ADGRL3: variants seen among roughly 807,000 people sequenced by gnomAD.
ADGRL3 encodes the protein adhesion G protein-coupled receptor L3.
Under a neutral mutation model 153.5 loss-of-function variants are expected in ADGRL3, and 62 were observed. The ratio of observed to expected loss-of-function variants is 0.40; its 90% CI spans 0.33 to 0.50. The LOEUF (loss-of-function observed/expected upper bound fraction) is 0.50. Among genes scored for constraint, ADGRL3 ranks in the 20% least tolerant of loss-of-function variants. ADGRL3 has a pLI of 0.47. For missense variants in ADGRL3, 1,641 were observed against 1,859.4 expected (o/e 0.88, Z 2.16); for synonymous variants, 710 against 672.5 (o/e 1.06, Z -0.86).
At chr4:61,415,874 G>T (rs2097139146) in intron 2 of ADGRL3, among the ~76,000 whole-genome samples, 1 of 151,988 alleles carries the variant, frequency 6.6e-6, no homozygotes. Flanking sequence ...AGGGAGCCTA[G>T]ATGATGGCAT....
At chr4:61,933,795 C>G (rs559840857) in intron 13 of ADGRL3, 2 of 152,182 alleles carry the variant, frequency 1.3e-5, no homozygotes, top group Non-Finnish European at 2.9e-5. Context: ...TCTAGTCTCT[C>G]CCAGCCCCTC....
intron 2 of ADGRL3, among the ~76,000 whole-genome samples, chr4:61,434,062 A>G (rs6551629): frequency 6.6e-6 from 1 of 151,876 alleles, no homozygotes; most frequent in Non-Finnish European, 1.5e-5. Context: ...TTTCTGATTC[A>G]GTCTCCTTCA....
chr4:61,597,915 G>T (rs1281845674), intron 5 of ADGRL3, among the ~76,000 whole-genome samples: 1 of 151,756 alleles, frequency 6.6e-6, no homozygotes, highest in Non-Finnish European at 1.5e-5. Flanking sequence ...AAATCTTCTG[G>T]ACAGTGGGAA....
Position 61,997,388 on chromosome 4 carries a change from A to C in ADGRL3, c.3304-786A>C, listed in dbSNP as rs551572828. Among the ~76,000 whole-genome samples the C allele has an allele frequency of 3.9e-5, 6 of 152,176 alleles. No homozygotes were observed. The East Asian group carries it at 1.2e-3, about 29-fold the overall frequency. On this transcript the variant is annotated intron_variant, in intron 20 of 26. Transcript: ENST00000683033. ...CCACTGAATGGATTTTTTTTTTAAC[A>C]ACCTTCATTTTGCAGATTTTTTGGA...
intron 9 of ADGRL3, among the ~76,000 whole-genome samples, chr4:61,864,508 GTTAAT>G (rs2098381732): frequency 6.6e-6 from 1 of 152,082 alleles, no homozygotes; most frequent in Admixed American, 6.5e-5. Flanking sequence ...GATACTTAAC[GTTAAT>G]TGAGCTCCAC....
rs558431068 is a variant in ADGRL3, at chr4:61,871,209, C to T, written c.1481-21447C>T. 3.4e-4 allele frequency among the ~76,000 whole-genome samples: 51 copies of T among 151,002 alleles called. No individual in the cohort carries two copies. The Middle Eastern group carries it at 0.01, about 30-fold the overall frequency. On this transcript the variant is annotated intron_variant, in intron 9 of 26. Transcript: ENST00000683033. ...AGGAGAATGGCGTGAACCCAGGAGG[C>T]GGAGCTTGCAGTGAGCAGAGATCGC...
chr4:61,972,992 T>C (rs1225318224), intron 17 of ADGRL3, among the ~76,000 whole-genome samples: 2 of 152,024 alleles, frequency 1.3e-5, no homozygotes, highest in South Asian at 4.2e-4. Flanking sequence ...TCTCTAAAAT[T>C]ATTTTTTTCA....
At chr4:61,420,155 T>A (rs1341698289) in intron 2 of ADGRL3, 2 of 152,144 alleles carry the variant, frequency 1.3e-5, no homozygotes, top group Non-Finnish European at 2.9e-5. Flanking sequence ...TGATTGGGCA[T>A]GACAACATAA....
At chr4:61,717,189 A>C (rs1580428757) in intron 6 of ADGRL3, among the ~76,000 whole-genome samples, 1 of 133,610 alleles carries the variant, frequency 7.5e-6, no homozygotes, top group Admixed American at 8.3e-5. Flanking sequence ...TGTAGGCCAC[A>C]TAGTTTATGT....
At chr4:61,991,413 T>C (rs1346320724) in intron 19 of ADGRL3, among the ~76,000 whole-genome samples, 1 of 152,068 alleles carries the variant, frequency 6.6e-6, no homozygotes, top group Non-Finnish European at 1.5e-5. Context: ...TAAATTATAA[T>C]AGCCATAATT....
intron 11 of ADGRL3, among the ~76,000 whole-genome samples, chr4:61,900,391 A>G (rs971361448): frequency 6.6e-6 from 1 of 152,210 alleles, no homozygotes; most frequent in Non-Finnish European, 1.5e-5. Flanking sequence ...TGAGTCACTC[A>G]TGTACTGGTA....
chr4:62,047,514 A>G lies in ADGRL3; in HGVS notation c.3814+2965A>G, dbSNP rs1341755040. Among the ~76,000 whole-genome samples the G allele has an allele frequency of 2.6e-5, 4 of 152,054 alleles. No homozygotes were observed. The East Asian group carries it at 5.8e-4, about 22-fold the overall frequency. ...TGTTCTTGAATCAGCTTGTTGTATC[A>G]TAAGTATGAGATTACCTTTCTAGAT... On this transcript the variant is annotated intron_variant, in intron 25 of 26. Coordinates refer to ENST00000683033, the MANE Select transcript of ADGRL3 (RefSeq NM_001387552.1).
At chr4:61,781,266 C>T (rs1195269934) in intron 8 of ADGRL3, among the ~76,000 whole-genome samples, 1 of 144,986 alleles carries the variant, frequency 6.9e-6, no homozygotes, top group African/African-American at 2.6e-5. Flanking sequence ...GCAGAGGTTG[C>T]AGTGAGCCGA....
At position 61,676,907 on chromosome 4, in the gene ADGRL3, T is replaced by C. The variant is rs764851224; in HGVS notation, c.555T>C (p.Leu185=). 2.5e-6 allele frequency: 4 copies of C among 1,611,282 alleles called. No individual in the cohort carries two copies. In the East Asian group the frequency reaches 8.9e-5, roughly 36 times the overall value. ...CGTGTCCAGGAACCTATAAATACCT[T>C]GAAGTGCAGTATGAATGTGTCCCTT... ...PDPCPGTYKY[L]EVQYECVPYK... The change falls in exon 6 of 27, where the codon CTT becomes CTC. Residue 185 remains leucine (L), a synonymous_variant. Transcript: ENST00000683033.
chr4:61,724,368 C>T (rs2096290283), intron 6 of ADGRL3, among the ~76,000 whole-genome samples: 1 of 152,168 alleles, frequency 6.6e-6, no homozygotes, highest in Admixed American at 6.5e-5. Context: ...AAAGGTTTTG[C>T]AGATCCATCA....
At chr4:61,583,466 T>C (rs966524560) in intron 4 of ADGRL3, among the ~76,000 whole-genome samples, 4 of 152,098 alleles carry the variant, frequency 2.6e-5, no homozygotes, top group Non-Finnish European at 5.9e-5. Flanking sequence ...AGAAAAGAAG[T>C]AAAGAATAGG....
At chr4:61,427,433 GAGC>G (rs1053913998) in intron 2 of ADGRL3, 15 of 153,084 alleles carry the variant, frequency 9.8e-5, no homozygotes, top group African/African-American at 3.6e-4. Flanking sequence ...TTCAGAGGCA[GAGC>G]AGACAATACC....
At chr4:61,885,619 T>A (rs2149521385) in intron 9 of ADGRL3, among the ~76,000 whole-genome samples, 1 of 152,284 alleles carries the variant, frequency 6.6e-6, no homozygotes, top group African/African-American at 2.4e-5. Flanking sequence ...TAAAAGCATA[T>A]GTGAGCAGTA....
intron 4 of ADGRL3, among the ~76,000 whole-genome samples, chr4:61,578,761 C>A (rs2098907950): frequency 6.6e-6 from 1 of 152,034 alleles, no homozygotes; most frequent in Admixed American, 6.6e-5. Flanking sequence ...TTCGAGAAAT[C>A]TTTTTTAAGC....
Sources: gnomAD v4.1 joint callset for allele counts (sites outside exome capture counted in the v4.1 genomes callset) on GRCh38, gnomAD v4.1.1 for gene constraint, MANE v1.5 for transcripts, NCBI Gene and HGNC (gene_info 2026-07-23, HGNC 2026-07-21) for gene names.